Variants in DIAPH2 observed in about 807,000 individuals in gnomAD.
DIAPH2 encodes protein diaphanous homolog 2.
In DIAPH2, 35 loss-of-function variants were observed where a neutral mutation model predicts 92.7. The observed-to-expected ratio is 0.38, with a 90% CI of 0.29 to 0.50. The LOEUF (loss-of-function observed/expected upper bound fraction) is 0.50. Ranked by LOEUF, DIAPH2 falls within the 20% of genes least tolerant of loss-of-function variation. The probability of loss-of-function intolerance (pLI) is 0.94; values close to 1 mark genes in which losing one functional copy is unlikely to be tolerated. For synonymous variants in DIAPH2, 301 were observed against 280.4 expected, an observed-to-expected ratio of 1.07 and a Z score of -0.73; for missense variants, 701 against 819.5, an observed-to-expected ratio of 0.86 and a Z score of 1.77.
chrX:96,707,126 C>A (rs2063889872), intron 1 of DIAPH2, among the ~76,000 whole-genome samples: 1 of 109,378 alleles, frequency 9.1e-6, no homozygotes, highest in Admixed American at 9.7e-5. Context: ...TGATGAAACC[C>A]TGTCTCTACT....
Position 96,684,916 on chromosome X carries a change from A to C in DIAPH2, c.-143A>C. 2.7e-6 allele frequency: 2 copies of C among 754,416 alleles called. No individual in the cohort carries two copies. Among genetic ancestry groups the C allele is most frequent in the Non-Finnish European group, 3.4e-6 (2 of 586,470 alleles). 62.2% of individuals were successfully genotyped at this position (754,416 alleles called of 1,213,427 possible). ...GGAGCCTGGAGTCCCGGGGGCCTGA[A>C]ATCGGCAGCTTCCCGGGCAGACACT... On this transcript the variant is annotated 5_prime_UTR_variant, in exon 1 of 27. Coordinates refer to ENST00000324765, the MANE Select transcript of DIAPH2 (RefSeq NM_006729.5).
intron 26 of DIAPH2, among the ~76,000 whole-genome samples, chrX:97,510,058 G>C (rs149889907): frequency 0.078 from 8,586 of 110,267 alleles, 463 homozygotes; most frequent in African/African-American, 0.18. Flanking sequence ...GGTATTTCTA[G>C]TTCTAGATCC....
intron 4 of DIAPH2, among the ~76,000 whole-genome samples, chrX:96,794,078 T>C (rs745893224): frequency 1.8e-5 from 2 of 111,569 alleles, no homozygotes; most frequent in African/African-American, 3.3e-5. Flanking sequence ...ACTAACAGAT[T>C]TGATGTATGG....
At chrX:97,041,783 CTTAA>C (rs1324744077) in intron 17 of DIAPH2, among the ~76,000 whole-genome samples, 4 of 111,181 alleles carry the variant, frequency 3.6e-5, no homozygotes, top group East Asian at 2.8e-4. Context: ...CTTAATAAGA[CTTAA>C]TTGAGTTAAT....
rs756041060 is a variant in DIAPH2 at position 97,030,767 on chromosome X, G to A, written c.2051-42174G>A. Among the ~76,000 whole-genome samples, 146 of 111,568 alleles carry A rather than the reference G, an allele frequency of 1.3e-3. 1 individual carries two copies. The highest frequency in any genetic ancestry group is 4.4e-3 in the African/African-American group (134 of 30,711). ...AATCTGTCATCAGTTTCATTTTTAA[G>A]TGGAAAATTACATTAACCTCTGGAT... On this transcript the variant is annotated intron_variant, in intron 17 of 26. Coordinates refer to ENST00000324765, the MANE Select transcript of DIAPH2 (RefSeq NM_006729.5).
At chrX:97,443,703 A>C (rs2070282438) in intron 26 of DIAPH2, among the ~76,000 whole-genome samples, 1 of 111,937 alleles carries the variant, frequency 8.9e-6, no homozygotes, top group African/African-American at 3.2e-5. Context: ...ATGCTTGACA[A>C]GTAAAGAAAA....
chrX:97,372,120 G>A (rs1216025638), intron 24 of DIAPH2, among the ~76,000 whole-genome samples: 1 of 112,221 alleles, frequency 8.9e-6, no homozygotes, highest in Non-Finnish European at 1.9e-5. Flanking sequence ...GCTAATCAGA[G>A]TTCAGCATTC....
intron 5 of DIAPH2, among the ~76,000 whole-genome samples, chrX:96,895,440 A>G (rs2065338881): frequency 8.9e-6 from 1 of 112,215 alleles, no homozygotes; most frequent in South Asian, 3.7e-4. Context: ...AGAGGTCTAT[A>G]TAAGCATGAT....
intron 15 of DIAPH2, among the ~76,000 whole-genome samples, chrX:96,957,546 C>G (rs1483387921): frequency 9.0e-6 from 1 of 111,093 alleles, no homozygotes; most frequent in Non-Finnish European, 1.9e-5. Context: ...GAACACAGAG[C>G]CAAACCCTAT....
intron 22 of DIAPH2, among the ~76,000 whole-genome samples, chrX:97,144,385 G>C (rs1407729455): frequency 9.0e-6 from 1 of 111,008 alleles, no homozygotes; most frequent in Non-Finnish European, 1.9e-5. Context: ...TAGATTGACT[G>C]TGGGTAGGAA....
At chrX:97,505,922 A>T (rs1322183853) in intron 26 of DIAPH2, among the ~76,000 whole-genome samples, 1 of 110,073 alleles carries the variant, frequency 9.1e-6, no homozygotes, top group East Asian at 2.8e-4. Context: ...TATATTTCCA[A>T]TTCCCTCCTA....
intron 3 of DIAPH2, among the ~76,000 whole-genome samples, chrX:96,753,716 A>C (rs2064207543): frequency 8.9e-6 from 1 of 112,276 alleles, no homozygotes; most frequent in African/African-American, 3.2e-5. Flanking sequence ...TTGAATTAAC[A>C]GAGTTGCAGA....
intron 1 of DIAPH2, among the ~76,000 whole-genome samples, chrX:96,689,107 G>A (rs956498752): frequency 9.2e-6 from 1 of 109,207 alleles, no homozygotes; most frequent in Middle Eastern, 4.7e-3. Flanking sequence ...AAATAGGTGA[G>A]GGAAAGGCAT....
At chrX:97,542,941 A>G (rs1390898977) in intron 26 of DIAPH2, among the ~76,000 whole-genome samples, 4 of 112,422 alleles carry the variant, frequency 3.6e-5, no homozygotes, top group African/African-American at 9.7e-5. Context: ...AAGAGTAGAA[A>G]GAATGCGGGG....
chrX:96,935,063 C>CA (rs1216111290), intron 10 of DIAPH2, among the ~76,000 whole-genome samples: 1 of 111,133 alleles, frequency 9.0e-6, no homozygotes, highest in Non-Finnish European at 1.9e-5. Context: ...AGGAATTCTG[C>CA]AAAAAATAAT....
chrX:96,689,276 T>C (rs1480926124), intron 1 of DIAPH2, among the ~76,000 whole-genome samples: 1 of 101,012 alleles, frequency 9.9e-6, no homozygotes, highest in Admixed American at 1.1e-4. Flanking sequence ...TTGTATGCCA[T>C]GTTAGAGTTT....
At chrX:97,300,825 G>A (rs1354785515) in intron 23 of DIAPH2, among the ~76,000 whole-genome samples, 3 of 98,524 alleles carry the variant, frequency 3.0e-5, no homozygotes, top group Non-Finnish European at 4.1e-5. Flanking sequence ...CCAGCTACTT[G>A]GGAGGCTGAG....
At chrX:97,442,655 A>G (rs2147787774) in intron 26 of DIAPH2, 1 of 112,126 alleles carries the variant, frequency 8.9e-6, no homozygotes, top group East Asian at 2.8e-4. Context: ...TTCCCAGTGG[A>G]CATCCCAAGA....
Position 97,599,798 on chromosome X carries a change from T to TAATA in DIAPH2, c.*482_*485dup, listed in dbSNP as rs2071581226. 3 of 113,417 alleles carry TAATA rather than the reference T, an allele frequency of 2.6e-5. No homozygotes were observed. The highest frequency in any genetic ancestry group is 6.5e-5 in the African/African-American group (2 of 30,916). 9.3% of individuals were successfully genotyped at this position (113,417 alleles called of 1,213,427 possible). The stretch of plus-strand genomic sequence containing the variant: ...TATGCATCTTGATTTGGAGAGAGGC[T>TAATA]AATATTATGCACACTGTAAGAGAAG... On this transcript the variant is annotated 3_prime_UTR_variant, in exon 27 of 27. Transcript: ENST00000324765.
Sources: gnomAD v4.1 joint callset for allele counts (sites outside exome capture counted in the v4.1 genomes callset) on GRCh38, gnomAD v4.1.1 for gene constraint, MANE v1.5 for transcripts, NCBI Gene and HGNC (gene_info 2026-07-23, HGNC 2026-07-21) for gene names.